PDE1C: variants seen among roughly 807,000 people sequenced by gnomAD.
The protein encoded by PDE1C is dual specificity calcium/calmodulin-dependent 3',5'-cyclic nucleotide phosphodiesterase 1C.
PDE1C carries 62 observed loss-of-function variants against 93.1 expected under a neutral mutation model. The observed-to-expected ratio is 0.67, with a 90% CI of 0.54 to 0.82. The LOEUF is 0.82. Ranked by LOEUF, PDE1C falls within the 40% of genes least tolerant of loss-of-function variation. The pLI, the probability that PDE1C is intolerant of heterozygous loss-of-function variation, is 0.00. For synonymous variants in PDE1C, 325 were observed against 310.1 expected, an observed-to-expected ratio of 1.05 and a Z score of -0.50; for missense variants, 742 against 884.6, an observed-to-expected ratio of 0.84 and a Z score of 2.04.
chr7:31,759,682 G>A (rs1333339263), intron 17 of PDE1C, among the ~76,000 whole-genome samples: 1 of 152,154 alleles, frequency 6.6e-6, no homozygotes, highest in East Asian at 1.9e-4. Context: ...GCCAAAAATT[G>A]ATACATCACC....
intron 2 of PDE1C, among the ~76,000 whole-genome samples, chr7:31,990,512 T>C (rs549354119): frequency 1.3e-5 from 2 of 152,310 alleles, no homozygotes; most frequent in South Asian, 4.1e-4. Flanking sequence ...AGGAATGGGC[T>C]AGGTTAGACT....
At chr7:31,848,518 C>T (rs896800515) in intron 8 of PDE1C, among the ~76,000 whole-genome samples, 3 of 152,028 alleles carry the variant, frequency 2.0e-5, no homozygotes, top group Middle Eastern at 3.2e-3. Context: ...ACACATATCA[C>T]CTGGTGGGTA....
chr7:31,743,666 G>A, the PDE1C span, among the ~76,000 whole-genome samples: 5 of 151,984 alleles, frequency 3.3e-5, no homozygotes, highest in African/African-American at 1.2e-4. Flanking sequence ...GGGAAGCAGG[G>A]TTTTCTACTT....
At chr7:32,276,315 G>C (rs754490576) in intron 1 of PDE1C, among the ~76,000 whole-genome samples, 4 of 152,172 alleles carry the variant, frequency 2.6e-5, no homozygotes, top group Non-Finnish European at 4.4e-5. Flanking sequence ...GGATTTGAAT[G>C]AGTGTGCATT....
chr7:32,285,029 CAAA>C (rs773479808), intron 1 of PDE1C, among the ~76,000 whole-genome samples: 5 of 81,340 alleles, frequency 6.1e-5, no homozygotes, highest in Admixed American at 1.3e-4. Context: ...GACTCTGTCT[CAAA>C]AAAAAAAAAA....
chr7:32,285,196 T>C (rs1162900309), intron 1 of PDE1C, among the ~76,000 whole-genome samples: 1 of 152,212 alleles, frequency 6.6e-6, no homozygotes, highest in Non-Finnish European at 1.5e-5. Context: ...TGAGAACCAC[T>C]GACGTGGCTG....
chr7:31,637,526 T>A, the PDE1C span, among the ~76,000 whole-genome samples: 1 of 152,272 alleles, frequency 6.6e-6, no homozygotes, highest in African/African-American at 2.4e-5. Context: ...TTGGCTGCAT[T>A]AATGTCTTCT....
chr7:31,966,718 T>C (rs11983140), intron 2 of PDE1C, among the ~76,000 whole-genome samples: 3,832 of 152,246 alleles, frequency 0.025, 160 homozygotes, highest in African/African-American at 0.084. Flanking sequence ...AGTAAAGCAC[T>C]CCTCAGCAAA....
intron 1 of PDE1C, among the ~76,000 whole-genome samples, chr7:32,065,530 A>C (rs574621510): frequency 8.5e-5 from 13 of 152,276 alleles, no homozygotes; most frequent in Admixed American, 7.8e-4. Context: ...TACTCATATC[A>C]GTCTCTGCCA....
At chr7:32,193,375 T>C (rs535398281) in intron 2 of PDE1C, among the ~76,000 whole-genome samples, 1 of 152,324 alleles carries the variant, frequency 6.6e-6, no homozygotes, top group South Asian at 2.1e-4. Flanking sequence ...TTGAATGCTG[T>C]CAAATATTTT....
At chr7:31,835,197 T>A (rs1259827399) in intron 11 of PDE1C, among the ~76,000 whole-genome samples, 1 of 152,192 alleles carries the variant, frequency 6.6e-6, no homozygotes, top group Non-Finnish European at 1.5e-5. Context: ...GTCTTGAGTA[T>A]GTCTTTATTT....
At chr7:32,291,833 G>C (rs568131384) in intron 1 of PDE1C, among the ~76,000 whole-genome samples, 6 of 152,150 alleles carry the variant, frequency 3.9e-5, no homozygotes, top group African/African-American at 1.4e-4. Flanking sequence ...GGCAGGAATC[G>C]CAGAGATTTC....
At chr7:31,676,880 C>T in the PDE1C span, among the ~76,000 whole-genome samples, 9 of 152,096 alleles carry the variant, frequency 5.9e-5, no homozygotes, top group Non-Finnish European at 8.8e-5. Flanking sequence ...CTCAACAAAT[C>T]CTAAGAAATG....
intron 4 of PDE1C, 139 bp from the exon 5 acceptor site, chr7:31,878,175 T>C (rs1406607832): frequency 5.2e-6 from 3 of 574,236 alleles, no homozygotes; most frequent in Non-Finnish European, 9.1e-6. Flanking sequence ...TTTTTTGACA[T>C]TTTTAATATT....
chr7:32,019,412 G>C (rs1467267706), intron 2 of PDE1C, among the ~76,000 whole-genome samples: 6 of 152,068 alleles, frequency 3.9e-5, no homozygotes, highest in African/African-American at 1.4e-4. Flanking sequence ...TGTTCACTGT[G>C]GTGAGGAAAG....
chr7:32,182,606 A>G lies in PDE1C; in HGVS notation c.137-12650T>C, dbSNP rs550172116. Reference sequence around the variant, plus strand: ...CTTTGACGAAATTCAACAACCCTTCATGCTAAAAACTCTCAATAAATTAGG... The same window carrying G: ...CTTTGACGAAATTCAACAACCCTTCGTGCTAAAAACTCTCAATAAATTAGG... On this transcript the variant is annotated intron_variant, in intron 2 of 18. Transcript: ENST00000396193. Among the ~76,000 whole-genome samples, 261 of 152,326 alleles carry G rather than the reference A, an allele frequency of 1.7e-3. 1 individual carries two copies. Among genetic ancestry groups the G allele is most frequent in the Non-Finnish European group, 2.8e-3 (189 of 68,028 alleles).
chr7:31,736,141 G>A, the PDE1C span, among the ~76,000 whole-genome samples: 1 of 152,136 alleles, frequency 6.6e-6, no homozygotes, highest in African/African-American at 2.4e-5. Flanking sequence ...TAGAGTCAGT[G>A]GGGAGATGAA....
intron 11 of PDE1C, among the ~76,000 whole-genome samples, chr7:31,835,315 A>G (rs1790925006): frequency 6.6e-6 from 1 of 152,124 alleles, no homozygotes; most frequent in Non-Finnish European, 1.5e-5. Flanking sequence ...CTACTATTAG[A>G]AAAACAGCCT....
At chr7:32,381,602 T>C (rs1784535868) in intron 1 of PDE1C, among the ~76,000 whole-genome samples, 1 of 152,086 alleles carries the variant, frequency 6.6e-6, no homozygotes, top group Admixed American at 6.5e-5. Context: ...CTCCTCAACC[T>C]GGAAAGCTCC....
Sources: allele counts gnomAD v4.1 joint callset (sites outside exome capture counted in the v4.1 genomes callset), GRCh38; gene constraint gnomAD v4.1.1; transcripts MANE v1.5; gene names NCBI Gene and HGNC (gene_info 2026-07-23, HGNC 2026-07-21).